Variants in DLG2 observed in about 807,000 individuals in gnomAD.
DLG2 encodes the protein discs large MAGUK scaffold protein 2.
Under a neutral mutation model 132.5 loss-of-function variants are expected in DLG2, and 45 were observed. The ratio of observed to expected loss-of-function variants is 0.34; its 90% CI spans 0.27 to 0.44. The LOEUF is 0.44. Ranked by LOEUF, DLG2 falls within the 20% of genes least tolerant of loss-of-function variation. The probability of loss-of-function intolerance (pLI) is 1.00; values close to 1 mark genes in which losing one functional copy is unlikely to be tolerated. For synonymous variants in DLG2, 424 were observed against 419.6 expected (o/e 1.01, Z -0.13); for missense variants, 1,045 against 1,196.9 (o/e 0.87, Z 1.87).
At chr11:85,034,706 T>TAGG (rs1450467011) in intron 6 of DLG2, among the ~76,000 whole-genome samples, 4 of 152,184 alleles carry the variant, frequency 2.6e-5, no homozygotes, top group African/African-American at 9.6e-5. Context: ...TTCTGTACCC[T>TAGG]ATGCTTCCCC....
chr11:83,803,065 G>T (rs1055657333), intron 17 of DLG2, among the ~76,000 whole-genome samples: 1 of 152,126 alleles, frequency 6.6e-6, no homozygotes. Context: ...AAAGGCAAAA[G>T]GGGTTATGTA....
intron 9 of DLG2, among the ~76,000 whole-genome samples, chr11:84,112,373 A>T: frequency 8.3e-6 from 1 of 119,966 alleles, no homozygotes. Context: ...ACCACTTTTC[A>T]TTCCAGAAGT....
intron 18 of DLG2, among the ~76,000 whole-genome samples, chr11:83,773,733 C>T (rs2094482614): frequency 1.3e-5 from 2 of 152,330 alleles, no homozygotes; most frequent in Middle Eastern, 3.4e-3. Context: ...AAGGTATGGT[C>T]ATTTTTTTGG....
intron 6 of DLG2, among the ~76,000 whole-genome samples, chr11:84,750,789 G>T (rs2066005711): frequency 6.6e-6 from 1 of 152,058 alleles, no homozygotes; most frequent in Non-Finnish European, 1.5e-5. Flanking sequence ...ATCTGGAATG[G>T]ATACTAGGAT....
intron 7 of DLG2, among the ~76,000 whole-genome samples, chr11:84,358,087 G>C (rs776371942): frequency 1.3e-5 from 2 of 151,950 alleles, no homozygotes; most frequent in African/African-American, 4.8e-5. Context: ...GCTCCGTATA[G>C]TATCTCATTG....
intron 7 of DLG2, among the ~76,000 whole-genome samples, chr11:84,301,705 T>C (rs1167087423): frequency 7.2e-6 from 1 of 139,492 alleles, no homozygotes; most frequent in Non-Finnish European, 1.5e-5. Flanking sequence ...CTGGAGAGGA[T>C]GTGGAGAAAT....
intron 19 of DLG2, among the ~76,000 whole-genome samples, chr11:83,586,849 G>A (rs1168459078): frequency 6.6e-6 from 1 of 152,152 alleles, no homozygotes; most frequent in East Asian, 1.9e-4. Flanking sequence ...CTACTGCCTT[G>A]TAATGTTTTC....
chr11:85,059,552 G>A (rs921840734), intron 6 of DLG2, among the ~76,000 whole-genome samples: 17 of 151,336 alleles, frequency 1.1e-4, no homozygotes, highest in Non-Finnish European at 2.4e-4. Flanking sequence ...TTCGTACAAT[G>A]GATCACCATA....
chr11:84,798,934 A>G (rs1282425644), intron 6 of DLG2, among the ~76,000 whole-genome samples: 1 of 152,112 alleles, frequency 6.6e-6, no homozygotes, highest in East Asian at 1.9e-4. Context: ...CTAAGCTGGT[A>G]TCCAAGATGC....
intron 18 of DLG2, among the ~76,000 whole-genome samples, chr11:83,737,909 G>A (rs1311424977): frequency 6.6e-6 from 1 of 152,092 alleles, no homozygotes; most frequent in Non-Finnish European, 1.5e-5. Flanking sequence ...TATTCTTTTG[G>A]TGATGCTGCC....
intron 19 of DLG2, among the ~76,000 whole-genome samples, chr11:83,584,930 C>T (rs2097056030): frequency 6.6e-6 from 1 of 152,282 alleles, no homozygotes; most frequent in East Asian, 1.9e-4. Context: ...GACATGATTC[C>T]TGCCTTCAAG....
chr11:83,676,612 G>A (rs911963213), intron 18 of DLG2, among the ~76,000 whole-genome samples: 2 of 152,168 alleles, frequency 1.3e-5, no homozygotes, highest in African/African-American at 2.4e-5. Context: ...CTTCCCAACC[G>A]CCTGTGAGAC....
chr11:84,492,758 G>C (rs17734836), intron 7 of DLG2, among the ~76,000 whole-genome samples: 3,372 of 152,114 alleles, frequency 0.022, 57 homozygotes, highest in Non-Finnish European at 0.035. Flanking sequence ...ATGATTACTG[G>C]ATTCAAGAAG....
chr11:83,871,422 T>C (rs536037895), intron 16 of DLG2, among the ~76,000 whole-genome samples: 3 of 152,258 alleles, frequency 2.0e-5, no homozygotes, highest in South Asian at 2.1e-4. Context: ...GCAACTTGGG[T>C]GAAAATTATA....
chr11:84,646,264 A>C (rs2099674811), intron 6 of DLG2, among the ~76,000 whole-genome samples: 1 of 152,212 alleles, frequency 6.6e-6, no homozygotes, highest in Non-Finnish European at 1.5e-5. Flanking sequence ...AATTCAAATG[A>C]ATCAGTATGG....
At chr11:83,812,733 GA>G (rs1273717644) in intron 17 of DLG2, among the ~76,000 whole-genome samples, 23 of 152,232 alleles carry the variant, frequency 1.5e-4, no homozygotes, top group Admixed American at 1.4e-3. Context: ...TTCACTGAAG[GA>G]CAGACAAGAA....
At chr11:84,912,785 C>T (rs1050162456) in intron 6 of DLG2, among the ~76,000 whole-genome samples, 2 of 152,080 alleles carry the variant, frequency 1.3e-5, no homozygotes, top group Non-Finnish European at 2.9e-5. Flanking sequence ...CAGTAGGTCT[C>T]GCAGAAGGTA....
intron 9 of DLG2, among the ~76,000 whole-genome samples, chr11:84,160,842 G>A (rs1596364961): frequency 6.6e-6 from 1 of 152,306 alleles, no homozygotes; most frequent in East Asian, 1.9e-4. Flanking sequence ...AGACCTGGTA[G>A]TAGGAAAATG....
intron 8 of DLG2, among the ~76,000 whole-genome samples, chr11:84,187,827 T>A (rs2096310520): frequency 6.6e-6 from 1 of 152,078 alleles, no homozygotes; most frequent in Non-Finnish European, 1.5e-5. Flanking sequence ...CCCTGGCTAA[T>A]TTATCTGACT....
Sources: allele counts gnomAD v4.1 joint callset (sites outside exome capture counted in the v4.1 genomes callset), GRCh38; gene constraint gnomAD v4.1.1; transcripts MANE v1.5; gene names NCBI Gene and HGNC (gene_info 2026-07-23, HGNC 2026-07-21).